The following SGPP1 variants were observed in gnomAD, a reference collection of about 807,000 sequenced individuals.
SGPP1 encodes hSPP1.
Under a neutral mutation model 33.0 loss-of-function variants are expected in SGPP1, and 21 were observed. The observed-to-expected ratio is 0.64, with a 90% CI of 0.45 to 0.92. The LOEUF (loss-of-function observed/expected upper bound fraction) is 0.92, where lower values mean the gene tolerates loss of function less well. Among genes scored for constraint, SGPP1 ranks in the 40% least tolerant of loss-of-function variants. The probability of loss-of-function intolerance (pLI) is 0.00; values close to 1 mark genes in which losing one functional copy is unlikely to be tolerated. For synonymous variants in SGPP1, 239 were observed against 241.2 expected (o/e 0.99, Z 0.08); for missense variants, 543 against 589.4 (o/e 0.92, Z 0.81).
intron 1 of SGPP1, among the ~76,000 whole-genome samples, chr14:63,704,367 C>T (rs1251026006): frequency 1.3e-5 from 2 of 152,060 alleles, no homozygotes; most frequent in East Asian, 3.9e-4. Flanking sequence ...AACCCATATA[C>T]GTATGGTTAA....
Position 63,724,544 on chromosome 14 carries a change from TCA to T in SGPP1, c.684+2715_684+2716del, listed in dbSNP as rs544669346. On this transcript the variant is annotated intron_variant, in intron 1 of 2. Transcript: ENST00000247225. ...GCCTCCAATGCAGTACAATACTAAT[TCA>T]CAGAGTAGAGGACCCAAACAGCTGA... Among the ~76,000 whole-genome samples the T allele has an allele frequency of 7.5e-5, 11 of 146,514 alleles. No homozygotes were observed. In the South Asian group the frequency reaches 2.3e-3, roughly 31 times the overall value.
chr14:63,725,388 GAAC>G (rs568086593), intron 1 of SGPP1, among the ~76,000 whole-genome samples: 76 of 152,290 alleles, frequency 5.0e-4, no homozygotes, highest in South Asian at 4.4e-3. Flanking sequence ...CTTTCTTTCA[GAAC>G]AACTAACCGA....
intron 2 of SGPP1, among the ~76,000 whole-genome samples, chr14:63,694,977 C>T (rs925795509): frequency 1.2e-4 from 18 of 152,072 alleles, no homozygotes; most frequent in African/African-American, 4.3e-4. Context: ...ACTGATCAAA[C>T]CTAGAGAGGC....
chr14:63,696,397 T>C (rs981132839), intron 2 of SGPP1, among the ~76,000 whole-genome samples: 1 of 152,254 alleles, frequency 6.6e-6, no homozygotes, highest in Admixed American at 6.5e-5. Context: ...CTAATATCTT[T>C]TTCTCCAAGA....
chr14:63,710,597 T>A (rs1395376432), intron 1 of SGPP1, among the ~76,000 whole-genome samples: 2 of 152,166 alleles, frequency 1.3e-5, no homozygotes, highest in Admixed American at 1.3e-4. Context: ...AACAGAACAG[T>A]CACAGGATCA....
At chr14:63,712,786 C>T (rs898612156) in intron 1 of SGPP1, among the ~76,000 whole-genome samples, 3 of 137,052 alleles carry the variant, frequency 2.2e-5, no homozygotes, top group Admixed American at 2.1e-4. Flanking sequence ...TCCTGAGTAG[C>T]TGGGACTATA....
chr14:63,690,859 C>T (rs142404301), intron 2 of SGPP1, among the ~76,000 whole-genome samples: 81 of 151,974 alleles, frequency 5.3e-4, no homozygotes, highest in African/African-American at 1.7e-3. Context: ...TACAGGTGTG[C>T]GCCACCAACC....
chr14:63,716,675 G>A (rs1885634216), intron 1 of SGPP1, among the ~76,000 whole-genome samples: 1 of 151,282 alleles, frequency 6.6e-6, no homozygotes, highest in Non-Finnish European at 1.5e-5. Flanking sequence ...CTGGGTGACA[G>A]TGAGTCTCTG....
At chr14:63,707,992 C>T (rs1338241481) in intron 1 of SGPP1, among the ~76,000 whole-genome samples, 1 of 152,110 alleles carries the variant, frequency 6.6e-6, no homozygotes, top group East Asian at 1.9e-4. Context: ...AAACGCATTA[C>T]AATGGCAAAC....
intron 1 of SGPP1, among the ~76,000 whole-genome samples, chr14:63,718,979 T>TATATATATATAC (rs1446115805): frequency 8.3e-4 from 8 of 9,598 alleles, no homozygotes; most frequent in Non-Finnish European, 1.8e-4. Flanking sequence ...TGTATATACA[T>TATATATATATAC]ATATATATAT....
chr14:63,703,497 AC>A (rs1885343442), intron 1 of SGPP1, among the ~76,000 whole-genome samples: 7 of 151,986 alleles, frequency 4.6e-5, no homozygotes, highest in Admixed American at 3.9e-4. Context: ...CACTAAAAAT[AC>A]AAAAATTAGC....
intron 2 of SGPP1, among the ~76,000 whole-genome samples, chr14:63,688,884 A>G (rs758377020): frequency 1.2e-3 from 180 of 151,712 alleles, no homozygotes; most frequent in Non-Finnish European, 2.2e-3. Context: ...ACCATGCCCG[A>G]CTAATTTTTT....
intron 1 of SGPP1, among the ~76,000 whole-genome samples, chr14:63,720,545 G>A (rs1885750013): frequency 6.6e-6 from 1 of 152,032 alleles, no homozygotes; most frequent in Non-Finnish European, 1.5e-5. Context: ...GATCACCTGA[G>A]GTCAAGAGTT....
intron 1 of SGPP1, among the ~76,000 whole-genome samples, chr14:63,707,094 TAAATGAGAA>T (rs1885424482): frequency 6.6e-6 from 1 of 150,686 alleles, no homozygotes; most frequent in Non-Finnish European, 1.5e-5. Flanking sequence ...ATGTACACAT[TAAATGAGAA>T]AAATATAATT....
chr14:63,703,139 A>G (rs1885334737), intron 1 of SGPP1, among the ~76,000 whole-genome samples: 1 of 152,164 alleles, frequency 6.6e-6, no homozygotes. Flanking sequence ...GAATTAATAA[A>G]TGAATTCAGC....
In SGPP1 at chr14:63,686,073, C is replaced by T; in HGVS notation, c.*32G>A. The T allele has an allele frequency of 7.2e-7, 1 of 1,388,956 alleles. No homozygotes were observed. 86.0% of individuals were successfully genotyped at this position (1,388,956 alleles called of 1,614,324 possible). A position where few individuals can be genotyped will look rare whatever the true frequency, so the allele number is the denominator to read the frequency against. Reference sequence around the variant, plus strand: ...ATTTTTGGGTATCAGTAACTGATACCCTCCTTTCTTATCATAAACAATACT... The same window carrying T: ...ATTTTTGGGTATCAGTAACTGATACTCTCCTTTCTTATCATAAACAATACT... On this transcript the variant is annotated 3_prime_UTR_variant, in exon 3 of 3. Transcript: ENST00000247225.
At chr14:63,710,409 C>T (rs7156219) in intron 1 of SGPP1, among the ~76,000 whole-genome samples, 16,594 of 152,138 alleles carry the variant, frequency 0.11, 2,105 homozygotes, top group African/African-American at 0.31. Context: ...TATAGAGCTA[C>T]ATAGACCTAT....
chr14:63,712,089 T>C (rs1885534850), intron 1 of SGPP1, among the ~76,000 whole-genome samples: 1 of 150,978 alleles, frequency 6.6e-6, no homozygotes, highest in South Asian at 2.1e-4. Flanking sequence ...ATAAAATTAA[T>C]AATCACATAT....
chr14:63,697,267 T>C (rs577440515), intron 2 of SGPP1, among the ~76,000 whole-genome samples: 24 of 152,316 alleles, frequency 1.6e-4, no homozygotes, highest in African/African-American at 5.8e-4. Context: ...GTTTGGGACT[T>C]CTGGAAATTT....
Sources: gnomAD v4.1 joint callset for allele counts (sites outside exome capture counted in the v4.1 genomes callset) on GRCh38, gnomAD v4.1.1 for gene constraint, MANE v1.5 for transcripts, NCBI Gene and HGNC (gene_info 2026-07-23, HGNC 2026-07-21) for gene names.